Variants in SLC2A13 observed in about 807,000 individuals in gnomAD.
SLC2A13 encodes solute carrier family 2 member 13.
A neutral mutation model predicts 64.4 loss-of-function variants in SLC2A13; 32 were observed. The ratio of observed to expected loss-of-function variants is 0.50; its 90% CI spans 0.37 to 0.67. SLC2A13 has a LOEUF of 0.67. Ranked by LOEUF, SLC2A13 falls within the 30% of genes least tolerant of loss-of-function variation. The pLI, the probability that SLC2A13 is intolerant of heterozygous loss-of-function variation, is 0.00. For synonymous variants in SLC2A13, 338 were observed against 327.1 expected (o/e 1.03, Z -0.36); for missense variants, 743 against 829.2 (o/e 0.90, Z 1.28).
At chr12:40,063,872 A>G (rs1948466596) in intron 1 of SLC2A13, among the ~76,000 whole-genome samples, 1 of 152,220 alleles carries the variant, frequency 6.6e-6, no homozygotes, top group Non-Finnish European at 1.5e-5. Flanking sequence ...CACAAAATAT[A>G]TCAAACTTCG....
chr12:40,104,038 T>C (rs975002012), intron 1 of SLC2A13, among the ~76,000 whole-genome samples: 1 of 152,164 alleles, frequency 6.6e-6, no homozygotes, highest in Non-Finnish European at 1.5e-5. Context: ...GAGTTGAATA[T>C]ATGGCCTTTG....
chr12:39,772,613 G>A (rs74090322), intron 7 of SLC2A13, among the ~76,000 whole-genome samples: 5,129 of 152,152 alleles, frequency 0.034, 303 homozygotes, highest in African/African-American at 0.12. Context: ...AAAGAAAAAA[G>A]AGAAGAAGAA....
rs544552111 is a variant in SLC2A13, at chr12:40,083,599, G to T, written c.556+21654C>A. Among the ~76,000 whole-genome samples the T allele has an allele frequency of 1.1e-3, 174 of 152,010 alleles. 1 individual carries two copies. Among genetic ancestry groups the T allele is most frequent in the African/African-American group, 3.4e-3 (142 of 41,510 alleles). On this transcript the variant is annotated intron_variant, in intron 1 of 9. Transcript: ENST00000280871. Reference sequence around the variant, plus strand: ...GGCTGGCCTCAAGGCAGGGCAAGGAGAAAAAGGAAAAAAAGGATGGGGAAC... The same window carrying T: ...GGCTGGCCTCAAGGCAGGGCAAGGATAAAAAGGAAAAAAAGGATGGGGAAC...
intron 4 of SLC2A13, among the ~76,000 whole-genome samples, chr12:39,896,931 G>T (rs995725951): frequency 2.0e-5 from 3 of 152,120 alleles, no homozygotes; most frequent in Admixed American, 6.6e-5. Flanking sequence ...CCCAGAGAAT[G>T]AAGTAGAAAT....
chr12:39,909,084 A>AT (rs1203322539), intron 4 of SLC2A13, among the ~76,000 whole-genome samples: 1 of 151,988 alleles, frequency 6.6e-6, no homozygotes, highest in African/African-American at 2.4e-5. Context: ...ACATATATGT[A>AT]TTTTTCATGT....
chr12:39,927,602 G>A (rs1006554015), intron 4 of SLC2A13, among the ~76,000 whole-genome samples: 3 of 152,016 alleles, frequency 2.0e-5, no homozygotes, highest in African/African-American at 4.8e-5. Flanking sequence ...CATATCAAAC[G>A]AGAAAAAATA....
chr12:40,038,675 G>A (rs1310307570), intron 2 of SLC2A13, among the ~76,000 whole-genome samples: 3 of 148,070 alleles, frequency 2.0e-5, no homozygotes, highest in Admixed American at 6.8e-5. Flanking sequence ...AGGCTGCAGT[G>A]AGCCATGTTC....
rs1215100363 is a variant in SLC2A13, at chr12:40,088,772, A to G, written c.556+16481T>C. Among the ~76,000 whole-genome samples the G allele has an allele frequency of 3.3e-5, 5 of 152,218 alleles. 1 individual carries two copies. The highest frequency in any genetic ancestry group is 2.0e-4 in the Admixed American group (3 of 15,278). ...CAAAAGAAGAGACAGGAAGGGGCTGAGACCCTAAGCTCCAGAAGAGGTATG... is the reference window on the plus strand; with the variant it reads ...CAAAAGAAGAGACAGGAAGGGGCTGGGACCCTAAGCTCCAGAAGAGGTATG... On this transcript the variant is annotated intron_variant, in intron 1 of 9. Transcript: ENST00000280871.
chr12:39,862,103 C>T (rs944446483), intron 6 of SLC2A13, among the ~76,000 whole-genome samples: 5 of 152,238 alleles, frequency 3.3e-5, no homozygotes, highest in Non-Finnish European at 7.4e-5. Flanking sequence ...TCTCATTGTT[C>T]TGAAAGACAT....
intron 7 of SLC2A13, among the ~76,000 whole-genome samples, chr12:39,792,365 A>G (rs982954402): frequency 2.0e-5 from 3 of 151,916 alleles, no homozygotes; most frequent in African/African-American, 7.3e-5. Flanking sequence ...AAAAGCCAAA[A>G]TTGACAAATG....
chr12:40,058,621 T>G (rs1198920695), intron 1 of SLC2A13, among the ~76,000 whole-genome samples: 1 of 152,206 alleles, frequency 6.6e-6, no homozygotes, highest in African/African-American at 2.4e-5. Flanking sequence ...CAATTTCATA[T>G]TTTGTTCTTC....
At chr12:39,769,289 A>G (rs900176272) in intron 7 of SLC2A13, among the ~76,000 whole-genome samples, 1 of 152,034 alleles carries the variant, frequency 6.6e-6, no homozygotes. Context: ...TCTGTTTCCT[A>G]TGTGACGAAC....
chr12:39,869,654 T>G (rs950246518), intron 5 of SLC2A13, among the ~76,000 whole-genome samples: 1 of 152,128 alleles, frequency 6.6e-6, no homozygotes, highest in Non-Finnish European at 1.5e-5. Context: ...TCCCGAGGAA[T>G]TGTCTTAATA....
intron 3 of SLC2A13, among the ~76,000 whole-genome samples, chr12:40,012,865 A>C (rs1434865724): frequency 6.6e-6 from 1 of 152,166 alleles, no homozygotes; most frequent in Non-Finnish European, 1.5e-5. Flanking sequence ...ACACTCCAGC[A>C]CTCAGAGATA....
intron 7 of SLC2A13, among the ~76,000 whole-genome samples, chr12:39,824,047 A>G (rs1034369252): frequency 1.3e-5 from 2 of 152,198 alleles, no homozygotes; most frequent in African/African-American, 2.4e-5. Flanking sequence ...ATATATTTTT[A>G]TAAGTATGGA....
chr12:39,992,219 C>T (rs1467428208), intron 3 of SLC2A13, among the ~76,000 whole-genome samples: 3 of 151,932 alleles, frequency 2.0e-5, no homozygotes, highest in Non-Finnish European at 4.4e-5. Flanking sequence ...GACAAAGGGG[C>T]GATTAAGCAG....
chr12:39,764,949 C>T (rs1940294137), intron 7 of SLC2A13, 91 bp from the exon 8 acceptor site: 1 of 1,418,934 alleles, frequency 7.0e-7, no homozygotes, highest in Non-Finnish European at 9.6e-7. Context: ...TTTGGAAATT[C>T]CTTAATGTCT....
At chr12:39,874,023 G>T (rs530719704) in intron 4 of SLC2A13, among the ~76,000 whole-genome samples, 34 of 152,292 alleles carry the variant, frequency 2.2e-4, no homozygotes, top group Admixed American at 8.5e-4. Flanking sequence ...CCCTCAAGAA[G>T]CTCATAGTTT....
At chr12:39,847,132 A>G (rs1943339948) in intron 6 of SLC2A13, among the ~76,000 whole-genome samples, 1 of 152,202 alleles carries the variant, frequency 6.6e-6, no homozygotes. Flanking sequence ...TAATGAGCAC[A>G]GAGAGAACTA....
Sources: allele counts gnomAD v4.1 joint callset (sites outside exome capture counted in the v4.1 genomes callset), GRCh38; gene constraint gnomAD v4.1.1; transcripts MANE v1.5; gene names NCBI Gene and HGNC (gene_info 2026-07-23, HGNC 2026-07-21).